The following USP25 variants were observed in gnomAD, a reference collection of about 807,000 sequenced individuals.
The protein encoded by USP25 is ubiquitin specific peptidase 25, also known as ubiquitin carboxyl-terminal hydrolase 25.
A neutral mutation model predicts 158.5 loss-of-function variants in USP25; 85 were observed. The ratio of observed to expected loss-of-function variants is 0.54; its 90% CI spans 0.45 to 0.64. The LOEUF is 0.64. USP25 is among the 30% of genes least tolerant of loss of function. The pLI is 0.00. For synonymous variants in USP25, 464 were observed against 460.4 expected, an observed-to-expected ratio of 1.01 and a Z score of -0.10; for missense variants, 1,242 against 1,327.3, an observed-to-expected ratio of 0.94 and a Z score of 1.00.
intron 20 of USP25, among the ~76,000 whole-genome samples, chr21:15,857,448 G>A (rs1206703250): frequency 2.0e-5 from 3 of 151,878 alleles, no homozygotes; most frequent in Non-Finnish European, 4.4e-5. Context: ...ATTGATATTT[G>A]CCTAAAAAAA....
chr21:15,815,507 G>A (rs1214700826), intron 9 of USP25, among the ~76,000 whole-genome samples: 1 of 152,172 alleles, frequency 6.6e-6, no homozygotes, highest in Non-Finnish European at 1.5e-5. Context: ...ACCTTGCAAA[G>A]CCACAGGGGC....
chr21:15,783,848 T>C (rs1331553649), intron 4 of USP25, among the ~76,000 whole-genome samples: 2 of 150,268 alleles, frequency 1.3e-5, no homozygotes, highest in African/African-American at 2.4e-5. Flanking sequence ...TGGGTGCCGG[T>C]AGTCTCAGCT....
chr21:15,832,847 T>TC (rs1193390597), intron 16 of USP25, among the ~76,000 whole-genome samples: 3 of 151,992 alleles, frequency 2.0e-5, no homozygotes, highest in Admixed American at 6.6e-5. Context: ...TGAAACCCCA[T>TC]TCTACTAAAA....
chr21:15,740,571 A>G (rs943933302), intron 1 of USP25, among the ~76,000 whole-genome samples: 2 of 149,680 alleles, frequency 1.3e-5, no homozygotes, highest in Non-Finnish European at 3.0e-5. Flanking sequence ...AATAAGTTGA[A>G]TCGATGGATT....
intron 10 of USP25, among the ~76,000 whole-genome samples, chr21:15,821,178 A>G (rs2037216211): frequency 6.6e-6 from 1 of 151,922 alleles, no homozygotes; most frequent in Non-Finnish European, 1.5e-5. Context: ...TGCTATGCAC[A>G]TATAAGTATT....
At chr21:15,818,314 T>A (rs1340485399) in intron 9 of USP25, among the ~76,000 whole-genome samples, 1 of 152,202 alleles carries the variant, frequency 6.6e-6, no homozygotes, top group Non-Finnish European at 1.5e-5. Flanking sequence ...TATAAATATA[T>A]GTGAAGTTAA....
chr21:15,783,187 G>A (rs1287883091), intron 4 of USP25, among the ~76,000 whole-genome samples: 1 of 149,530 alleles, frequency 6.7e-6, no homozygotes, highest in Non-Finnish European at 1.5e-5. Flanking sequence ...CAGATCGTTT[G>A]AAATAACCCA....
At chr21:15,866,173 G>T (rs1320277739) in intron 21 of USP25, 93 bp from the exon 22 acceptor site, 10 of 701,404 alleles carry the variant, frequency 1.4e-5, no homozygotes, top group African/African-American at 3.7e-5. Flanking sequence ...TTTTTGCTCA[G>T]TGTTTATGGA....
chr21:15,838,837 C>T (rs117303673), intron 17 of USP25, among the ~76,000 whole-genome samples: 1 of 152,212 alleles, frequency 6.6e-6, no homozygotes, highest in East Asian at 1.9e-4. Flanking sequence ...TAAAGTTGAC[C>T]TTCTTAAAAG....
intron 1 of USP25, among the ~76,000 whole-genome samples, chr21:15,742,508 G>T (rs1419422538): frequency 1.3e-5 from 2 of 148,572 alleles, no homozygotes; most frequent in East Asian, 3.9e-4. Flanking sequence ...TGGGCTGAAT[G>T]AAGTTCTGGG....
At position 15,827,108 on chromosome 21, in the gene USP25, T is replaced by G. The variant is rs750021409; in HGVS notation, c.1598T>G (p.Met533Arg). 6.2e-7 allele frequency: 1 copy of G among 1,614,182 alleles called. No homozygotes were observed. Residue 533 changes from methionine to arginine, a missense_variant, in exon 14 of 26, where the codon ATG becomes AGG. Transcript: ENST00000400183. ...TQSRIPPDLP[M>R]HPAPRHITEE... ...TCCCGGATACCTCCAGATTTGCCCA[T>G]GCATCCGGCACCAAGGCACATAACG...
At chr21:15,841,970 T>G (rs914904944) in intron 17 of USP25, among the ~76,000 whole-genome samples, 3 of 152,154 alleles carry the variant, frequency 2.0e-5, no homozygotes, top group Non-Finnish European at 4.4e-5. Flanking sequence ...TTAGGTTCAT[T>G]CAGGGTTAAG....
chr21:15,757,163 A>G (rs964913966), intron 1 of USP25, among the ~76,000 whole-genome samples: 3 of 152,170 alleles, frequency 2.0e-5, no homozygotes, highest in Non-Finnish European at 4.4e-5. Flanking sequence ...ATACAGGAAA[A>G]ACACAACTGG....
intron 1 of USP25, among the ~76,000 whole-genome samples, chr21:15,742,384 A>G (rs780506261): frequency 6.6e-6 from 1 of 152,222 alleles, no homozygotes; most frequent in Non-Finnish European, 1.5e-5. Context: ...TGTTATGGTA[A>G]CACCAATGTT....
chr21:15,861,487 G>A (rs1259436319), intron 20 of USP25, among the ~76,000 whole-genome samples: 2 of 152,056 alleles, frequency 1.3e-5, no homozygotes, highest in Non-Finnish European at 2.9e-5. Flanking sequence ...AAAAATATGG[G>A]CAAATATAAT....
chr21:15,846,122 GTATATATATATATATATATATA>G (rs34210530), intron 18 of USP25, among the ~76,000 whole-genome samples: 59 of 55,716 alleles, frequency 1.1e-3, no homozygotes, highest in Admixed American at 1.4e-3. Context: ...GTGTGTGTGT[GTATATATATATATATATATATA>G]TATATATATA....
intron 9 of USP25, among the ~76,000 whole-genome samples, chr21:15,817,975 T>C (rs1011418152): frequency 6.6e-6 from 1 of 152,222 alleles, no homozygotes; most frequent in Non-Finnish European, 1.5e-5. Context: ...ACTCACTGCC[T>C]GACTTTTCAT....
At chr21:15,790,034 A>G (rs890290116) in intron 4 of USP25, among the ~76,000 whole-genome samples, 14 of 152,038 alleles carry the variant, frequency 9.2e-5, no homozygotes, top group East Asian at 1.9e-4. Context: ...TGGGTCTCCA[A>G]TAGGAGAGTC....
intron 9 of USP25, among the ~76,000 whole-genome samples, chr21:15,813,942 T>C (rs1321748800): frequency 6.6e-6 from 1 of 151,698 alleles, no homozygotes; most frequent in Non-Finnish European, 1.5e-5. Context: ...AATCTCAACT[T>C]GATTGTATCT....
Sources: allele counts gnomAD v4.1 joint callset (sites outside exome capture counted in the v4.1 genomes callset), GRCh38; gene constraint gnomAD v4.1.1; transcripts MANE v1.5; gene names NCBI Gene and HGNC (gene_info 2026-07-23, HGNC 2026-07-21).